Variants in VPS13C observed in about 807,000 individuals in gnomAD.
The protein encoded by VPS13C is vacuolar protein sorting 13 homolog C.
Under a neutral mutation model 456.8 loss-of-function variants are expected in VPS13C, and 358 were observed. The observed-to-expected ratio is 0.78, with a 90% CI of 0.72 to 0.86. The LOEUF (loss-of-function observed/expected upper bound fraction) is 0.86, where lower values mean the gene tolerates loss of function less well. VPS13C is among the 40% of genes least tolerant of loss of function. The pLI, the probability that VPS13C is intolerant of heterozygous loss-of-function variation, is 0.00. For missense variants in VPS13C, 4,818 were observed against 4,385.4 expected (o/e 1.10, Z -2.79); for synonymous variants, 1,578 against 1,486.7 (o/e 1.06, Z -1.41).
intron 66 of VPS13C, among the ~76,000 whole-genome samples, chr15:61,894,808 C>A (rs911520925): frequency 1.3e-5 from 2 of 152,166 alleles, no homozygotes; most frequent in Non-Finnish European, 2.9e-5. Flanking sequence ...AACACCCCCA[C>A]TCTCAGTAAT....
chr15:61,920,164 C>G lies in VPS13C; in HGVS notation c.7380G>C (p.Gln2460His). ...TGCTGGCATACTCCAGTTCCAAATT[C>G]TGGCCAGCATCAACATCAAAAATAT... The part of the protein sequence containing the change: ...KSDIFDVDAG[Q>H]NLELEYASMV... The change falls in exon 57 of 85, where the codon CAG becomes CAC. Residue 2460 changes from glutamine (Q) to histidine (H), a missense_variant. Coordinates refer to ENST00000644861, the MANE Select transcript of VPS13C (RefSeq NM_020821.3). 6.2e-7 allele frequency: 1 copy of G among 1,613,602 alleles called. No homozygotes were observed. The highest frequency in any genetic ancestry group is 8.5e-7 in the Non-Finnish European group (1 of 1,179,666).
rs939412079 is a variant in VPS13C, at chr15:62,008,547, T to C, written c.1118+108A>G. ...TTGTCTTTTAATACTCTTGTCTCTT[T>C]TTTTAAAGTGGCTGAATTACTTGGC... On this transcript the variant is annotated intron_variant, in intron 14 of 84. Coordinates refer to ENST00000644861, the MANE Select transcript of VPS13C (RefSeq NM_020821.3). 3 of 612,316 alleles carry C rather than the reference T, an allele frequency of 4.9e-6. No individual in the cohort carries two copies. The African/African-American group carries it at 5.7e-5, about 12-fold the overall frequency. The allele number at this position is 612,316 out of a possible 1,614,324, so 37.9% of individuals were successfully genotyped here.
At position 61,867,528 on chromosome 15, in the gene VPS13C, T is replaced by C; in HGVS notation, c.10863+1131A>G. 1.0e-6 allele frequency: 1 copy of C among 996,038 alleles called. No individual in the cohort carries two copies. Among genetic ancestry groups the C allele is most frequent in the Non-Finnish European group, 1.2e-6 (1 of 837,520 alleles). 61.7% of individuals were successfully genotyped at this position (996,038 alleles called of 1,614,324 possible). A position where few individuals can be genotyped will look rare whatever the true frequency, so the allele number is the denominator to read the frequency against. On this transcript the variant is annotated intron_variant, in intron 81 of 84. Transcript: ENST00000644861. This position sits in a 1 kb window ranked among gnomAD's most constrained non-coding sequence, Gnocchi z 5.0. ...AGCTATGTAATTCCATCATCAAGAC[T>C]CACAAACATAAACATATTAATTGGA...
At chr15:61,942,159 AAAGT>A (rs2044450083) in intron 45 of VPS13C, 92 bp from the exon 46 acceptor site, 1 of 1,129,744 alleles carries the variant, frequency 8.9e-7, no homozygotes, top group Non-Finnish European at 1.2e-6. Flanking sequence ...ACTAAATAAA[AAAGT>A]AATATAAAAG....
chr15:61,888,533 G>A (rs1177815234), intron 67 of VPS13C, among the ~76,000 whole-genome samples: 1 of 152,042 alleles, frequency 6.6e-6, no homozygotes. Context: ...AAAGAAATGA[G>A]CTGTCAAGCC....
intron 15 of VPS13C, 29 bp downstream of exon 15, chr15:62,007,279 T>A: frequency 1.4e-6 from 2 of 1,440,506 alleles, no homozygotes; most frequent in Non-Finnish European, 1.9e-6. Flanking sequence ...AGACAAATAA[T>A]AGCTCTCACT....
At chr15:61,916,934 G>A (rs994311362) in intron 60 of VPS13C, among the ~76,000 whole-genome samples, 5 of 151,860 alleles carry the variant, frequency 3.3e-5, no homozygotes, top group African/African-American at 7.3e-5. Context: ...ATAAACAGAC[G>A]ATCATGCTTC....
At chr15:61,877,448 A>ATTTTTTTTTTTT (rs1274515972) in intron 74 of VPS13C, among the ~76,000 whole-genome samples, 1 of 151,566 alleles carries the variant, frequency 6.6e-6, no homozygotes, top group Non-Finnish European at 1.5e-5. Flanking sequence ...TGACATAACC[A>ATTTTTTTTTTTT]TTTTTAACGG....
intron 3 of VPS13C, among the ~76,000 whole-genome samples, chr15:62,040,571 G>A (rs910677840): frequency 6.6e-6 from 1 of 152,086 alleles, no homozygotes; most frequent in East Asian, 1.9e-4. Context: ...ATTGAAGGAG[G>A]GGGGTGGAGG....
At chr15:61,971,556 C>T (rs1328290445) in intron 27 of VPS13C, among the ~76,000 whole-genome samples, 6 of 152,238 alleles carry the variant, frequency 3.9e-5, no homozygotes, top group African/African-American at 1.4e-4. Context: ...CCACCATGCC[C>T]GGCCTGACAT....
intron 46 of VPS13C, 48 bp from the exon 47 acceptor site, chr15:61,940,842 A>G: frequency 6.4e-7 from 1 of 1,559,792 alleles, no homozygotes; most frequent in Non-Finnish European, 8.7e-7. Context: ...TTACATTTTA[A>G]AATGAGGACT....
At position 62,043,203 on chromosome 15, in the gene VPS13C, G is replaced by C. The variant is rs189981715; in HGVS notation, c.144+1009C>G. Among the ~76,000 whole-genome samples the C allele has an allele frequency of 4.9e-3, 741 of 152,260 alleles. 9 individuals carry two copies. The highest frequency in any genetic ancestry group is 0.017 in the African/African-American group (716 of 41,552). On this transcript the variant is annotated intron_variant, in intron 2 of 84. Transcript: ENST00000644861. ...ATTTTTGAGCACCTACTAAGTGCCAGGCTCTACTTCTCATCTTATTCAAGC... is the reference window on the plus strand; with the variant it reads ...ATTTTTGAGCACCTACTAAGTGCCACGCTCTACTTCTCATCTTATTCAAGC...
intron 47 of VPS13C, among the ~76,000 whole-genome samples, chr15:61,940,043 T>C (rs2044366327): frequency 6.6e-6 from 1 of 152,006 alleles, no homozygotes; most frequent in African/African-American, 2.4e-5. Context: ...CATTTGCCTA[T>C]TAAAATGGTA....
chr15:61,956,620 C>A (rs2045008144), intron 37 of VPS13C, among the ~76,000 whole-genome samples: 1 of 151,978 alleles, frequency 6.6e-6, no homozygotes, highest in African/African-American at 2.4e-5. Context: ...AGAAAAAAGG[C>A]AAACATCAAA....
At chr15:61,916,604 TTTAA>T (rs1261803542) in intron 60 of VPS13C, among the ~76,000 whole-genome samples, 1 of 152,098 alleles carries the variant, frequency 6.6e-6, no homozygotes, top group Non-Finnish European at 1.5e-5. Flanking sequence ...ATTTAATTCA[TTTAA>T]TTAATTTTTG....
At chr15:61,964,616 G>T in intron 31 of VPS13C, 83 bp downstream of exon 31, 1 of 1,301,382 alleles carries the variant, frequency 7.7e-7, no homozygotes, top group Non-Finnish European at 1.0e-6. Flanking sequence ...AAATGACTGA[G>T]TCAGATAGTC....
chr15:61,909,912 G>T (rs528863665), intron 64 of VPS13C, among the ~76,000 whole-genome samples: 29 of 146,090 alleles, frequency 2.0e-4, no homozygotes, highest in African/African-American at 7.3e-4. Flanking sequence ...TCACTCATAG[G>T]TGGGAATTGA....
intron 1 of VPS13C, among the ~76,000 whole-genome samples, chr15:62,052,534 G>A (rs571897580): frequency 5.3e-5 from 8 of 152,000 alleles, no homozygotes; most frequent in East Asian, 1.9e-4. Flanking sequence ...TTAGCCAGGC[G>A]TGGTGGCGGG....
chr15:61,937,906 T>C (rs1034587474), intron 47 of VPS13C, among the ~76,000 whole-genome samples: 2 of 152,202 alleles, frequency 1.3e-5, no homozygotes, highest in Non-Finnish European at 2.9e-5. Context: ...TTCTACCTTA[T>C]GTAAGACACA....
Sources: allele counts gnomAD v4.1 joint callset (sites outside exome capture counted in the v4.1 genomes callset), GRCh38; gene constraint gnomAD v4.1.1; non-coding constraint Gnocchi (gnomAD v3.1); transcripts MANE v1.5; gene names NCBI Gene and HGNC (gene_info 2026-07-23, HGNC 2026-07-21).